PCDHGB1: variants seen among roughly 807,000 people sequenced by gnomAD.
PCDHGB1 encodes protocadherin gamma subfamily B, 1.
In PCDHGB1, 34 loss-of-function variants were observed where a neutral mutation model predicts 56.6. The observed-to-expected ratio is 0.60, with a 90% CI of 0.46 to 0.80. PCDHGB1 has a LOEUF of 0.80. Ranked by LOEUF, PCDHGB1 falls within the 30% of genes least tolerant of loss-of-function variation. The probability of loss-of-function intolerance (pLI) is 0.00; values close to 1 mark genes in which losing one functional copy is unlikely to be tolerated. For synonymous variants in PCDHGB1, 561 were observed against 505.9 expected, an observed-to-expected ratio of 1.11 and a Z score of -1.46; for missense variants, 1,278 against 1,204.6, an observed-to-expected ratio of 1.06 and a Z score of -0.90.
In PCDHGB1 at chr5:141,486,518, A is replaced by G; in HGVS notation, c.2410-8289A>G. The G allele has an allele frequency of 6.2e-7, 1 of 1,614,132 alleles. No homozygotes were observed. Among genetic ancestry groups the G allele is most frequent in the Non-Finnish European group, 8.5e-7 (1 of 1,179,996 alleles). On this transcript the variant is annotated intron_variant, in intron 1 of 3. Coordinates refer to ENST00000523390, the MANE Select transcript of PCDHGB1 (RefSeq NM_018922.3). The surrounding 1 kb of genome is among the most constrained non-coding windows in gnomAD (Gnocchi z 5.0). ...TATTTTCCTCAATATTTCAGATGTG[A>G]ATGATAATCCACCCTCTTTCTTTCA...
At chr5:141,412,890 T>G (rs2095584785) in intron 1 of PCDHGB1, 1 of 330,212 alleles carries the variant, frequency 3.0e-6, no homozygotes, top group Non-Finnish European at 5.4e-6. Context: ...AACAGAATAG[T>G]TTACTTTCCA....
Position 141,476,187 on chromosome 5 carries a change from G to A in PCDHGB1, c.2410-18620G>A. 6.2e-7 allele frequency: 1 copy of A among 1,613,782 alleles called. No individual in the cohort carries two copies. The highest frequency in any genetic ancestry group is 1.1e-5 in the South Asian group (1 of 91,072). ...GTAGTGGGAGTTTTGCTTCTGCTTG[G>A]TGCCTTGAACAAGGCTTCCACGGTC... On this transcript the variant is annotated intron_variant, in intron 1 of 3. Coordinates refer to ENST00000523390, the MANE Select transcript of PCDHGB1 (RefSeq NM_018922.3). This position sits in a 1 kb window ranked among gnomAD's most constrained non-coding sequence, Gnocchi z 7.6.
chr5:141,485,003 A>G lies in PCDHGB1; in HGVS notation c.2410-9804A>G. On this transcript the variant is annotated intron_variant, in intron 1 of 3. Coordinates refer to ENST00000523390, the MANE Select transcript of PCDHGB1 (RefSeq NM_018922.3). The surrounding 1 kb of genome is among the most constrained non-coding windows in gnomAD (Gnocchi z 5.7). ...CAATCGGGTGGTGAAAGGCAGACAA[A>G]TCTACCCCGCCACCAGCAAAAACGG... 1 of 620,758 alleles carries G rather than the reference A, an allele frequency of 1.6e-6. No homozygotes were observed. The highest frequency in any genetic ancestry group is 2.0e-5 in the South Asian group (1 of 50,492). The allele number at this position is 620,758 out of a possible 1,614,324, so 38.5% of individuals were successfully genotyped here.
At chr5:141,464,729 G>T (rs1412585185) in intron 1 of PCDHGB1, among the ~76,000 whole-genome samples, 1 of 151,948 alleles carries the variant, frequency 6.6e-6, no homozygotes, top group Non-Finnish European at 1.5e-5. Context: ...ATGTTTAAAA[G>T]CCAGTTTATA....
At chr5:141,451,288 C>G (rs1308574266) in intron 1 of PCDHGB1, among the ~76,000 whole-genome samples, 3 of 152,200 alleles carry the variant, frequency 2.0e-5, no homozygotes, top group Non-Finnish European at 4.4e-5. Context: ...GCCTCTGCCT[C>G]AAAGTCTTAC....
In PCDHGB1 at chr5:141,418,980, A is replaced by G; in HGVS notation, c.2409+66311A>G. 1 of 1,614,004 alleles carries G rather than the reference A, an allele frequency of 6.2e-7. No individual in the cohort carries two copies. ...GTTGCCCTCTTCAAAACACGGGACC[A>G]AGACTCAGGGGAAAATGGGGAAGTC... On this transcript the variant is annotated intron_variant, in intron 1 of 3. Transcript: ENST00000523390.
intron 1 of PCDHGB1, chr5:141,399,531 G>A (rs771221717): frequency 1.2e-6 from 2 of 1,614,052 alleles, no homozygotes; most frequent in Non-Finnish European, 1.7e-6. Flanking sequence ...CCTCCATCGC[G>A]CAAGTCTGCG....
At chr5:141,361,998 G>A in intron 1 of PCDHGB1, 4 of 1,603,340 alleles carry the variant, frequency 2.5e-6, no homozygotes, top group Non-Finnish European at 2.5e-6. Flanking sequence ...GCCTGGGGTT[G>A]CGCACGGGTG....
At chr5:141,403,582 G>T in intron 1 of PCDHGB1, 1 of 1,613,910 alleles carries the variant, frequency 6.2e-7, no homozygotes. Context: ...CCCACCACCT[G>T]GTCCTCACGG....
intron 1 of PCDHGB1, among the ~76,000 whole-genome samples, chr5:141,386,638 G>A (rs1376557329): frequency 6.6e-6 from 1 of 151,840 alleles, no homozygotes; most frequent in Non-Finnish European, 1.5e-5. Flanking sequence ...CACCCAGGCT[G>A]GATACATTTT....
intron 1 of PCDHGB1, chr5:141,385,207 T>G: frequency 6.2e-7 from 1 of 1,614,226 alleles, no homozygotes; most frequent in Non-Finnish European, 8.5e-7. Flanking sequence ...TCACCTGATC[T>G]TCCCCCAGCC....
intron 1 of PCDHGB1, chr5:141,399,174 T>A: frequency 6.2e-7 from 1 of 1,613,818 alleles, no homozygotes; most frequent in Non-Finnish European, 8.5e-7. Flanking sequence ...ATTCTCTACT[T>A]GAAATGATTC....
At position 141,431,763 on chromosome 5, in the gene PCDHGB1, T is replaced by C; in HGVS notation, c.2410-63044T>C. On this transcript the variant is annotated intron_variant, in intron 1 of 3. Transcript: ENST00000523390. The surrounding 1 kb of genome is among the most constrained non-coding windows in gnomAD (Gnocchi z 4.8). ...TATTCTGCGCGAGCCAAAGTCCTGA[T>C]CACTGTTCTGGACGTGAACGACAAT... 1 of 1,614,230 alleles carries C rather than the reference T, an allele frequency of 6.2e-7. No individual in the cohort carries two copies. Among genetic ancestry groups the C allele is most frequent in the Non-Finnish European group, 8.5e-7 (1 of 1,180,030 alleles).
chr5:141,402,799 C>A (rs1248030162), intron 1 of PCDHGB1: 2 of 1,061,840 alleles, frequency 1.9e-6, no homozygotes, highest in Non-Finnish European at 2.6e-6. Flanking sequence ...TACACAAAAC[C>A]CGGCAGATAC....
At chr5:141,393,736 A>G in intron 1 of PCDHGB1, 1 of 1,613,892 alleles carries the variant, frequency 6.2e-7, no homozygotes, top group Non-Finnish European at 8.5e-7. Flanking sequence ...AAAAGTCTAG[A>G]TTATGAAGAA....
intron 1 of PCDHGB1, chr5:141,415,641 TA>T (rs113784532): frequency 0.022 from 22,367 of 1,034,442 alleles, 38 homozygotes; most frequent in Admixed American, 0.045. Context: ...TTACTTTTGT[TA>T]AAAAAAAAAA....
At chr5:141,364,976 G>A (rs781674344) in intron 1 of PCDHGB1, 1 of 1,613,902 alleles carries the variant, frequency 6.2e-7, no homozygotes, top group Middle Eastern at 1.6e-4. Flanking sequence ...CACAGCTTTA[G>A]ATGGCGGAGA....
At chr5:141,460,829 A>C (rs1242954704) in intron 1 of PCDHGB1, among the ~76,000 whole-genome samples, 1 of 151,944 alleles carries the variant, frequency 6.6e-6, no homozygotes, top group African/African-American at 2.4e-5. Flanking sequence ...ATACACACTT[A>C]AAGTAATGGC....
In PCDHGB1 at chr5:141,351,709, C is replaced by G. The variant is rs780183038; in HGVS notation, c.1449C>G (p.Val483=). 6.2e-7 allele frequency: 1 copy of G among 1,613,900 alleles called. No individual in the cohort carries two copies. ...SDPDLGPNGR[V]SYSILASDLE... is the part of the protein sequence containing the mutation. ...CGGATTTGGGACCCAACGGCAGAGT[C>G]TCCTACTCTATTCTGGCCAGTGACC... The change falls in exon 1 of 4, where the codon GTC becomes GTG. Residue 483 remains valine (V), a synonymous_variant. Transcript: ENST00000523390.
Sources: gnomAD v4.1 joint callset for allele counts (sites outside exome capture counted in the v4.1 genomes callset) on GRCh38, gnomAD v4.1.1 for gene constraint, Gnocchi (gnomAD v3.1) non-coding constraint, MANE v1.5 for transcripts, NCBI Gene and HGNC (gene_info 2026-07-23, HGNC 2026-07-21) for gene names.